The following CLDN16 variants were observed in gnomAD, a reference collection of about 807,000 sequenced individuals.
The protein encoded by CLDN16 is claudin-16.
Under a neutral mutation model 24.6 loss-of-function variants are expected in CLDN16, and 13 were observed. That is an observed-to-expected ratio of 0.53 (90% CI 0.34 to 0.84). CLDN16 has a LOEUF of 0.84. Among genes scored for constraint, CLDN16 ranks in the 40% least tolerant of loss-of-function variants. The probability of loss-of-function intolerance (pLI) is 0.01; values close to 1 mark genes in which losing one functional copy is unlikely to be tolerated. For missense variants in CLDN16, 298 were observed against 292.7 expected (o/e 1.02, Z -0.13); for synonymous variants, 116 against 106.7 (o/e 1.09, Z -0.54).
chr3:190,291,795 G>A, the CLDN16 span, among the ~76,000 whole-genome samples: 3 of 152,224 alleles, frequency 2.0e-5, no homozygotes, highest in East Asian at 5.8e-4. Flanking sequence ...CATTTGAAAT[G>A]GAAGAAATTG....
At chr3:190,350,586 T>G (rs1717651759) in intron 1 of CLDN16, among the ~76,000 whole-genome samples, 1 of 152,080 alleles carries the variant, frequency 6.6e-6, no homozygotes, top group African/African-American at 2.4e-5. Context: ...GTCAGGAATG[T>G]ACAAGGATGA....
At chr3:190,326,583 G>T (rs900564305) in intron 1 of CLDN16, among the ~76,000 whole-genome samples, 2 of 152,178 alleles carry the variant, frequency 1.3e-5, no homozygotes, top group Non-Finnish European at 2.9e-5. Context: ...GGAGAATGGC[G>T]ATGTGATATC....
chr3:190,314,450 A>G, the CLDN16 span, among the ~76,000 whole-genome samples: 2 of 152,076 alleles, frequency 1.3e-5, no homozygotes, highest in Admixed American at 1.3e-4. Context: ...GCTGGAGTGC[A>G]GTGGTGCGAT....
chr3:190,314,106 G>A, the CLDN16 span, among the ~76,000 whole-genome samples: 1 of 152,108 alleles, frequency 6.6e-6, no homozygotes, highest in East Asian at 1.9e-4. Flanking sequence ...ACTTAGTATT[G>A]TTTGGAATAA....
chr3:190,321,872 T>C, upstream of CLDN16: 1 of 813,080 alleles, frequency 1.2e-6, no homozygotes, highest in East Asian at 2.5e-5. Context: ...TCAGAAGACT[T>C]GATCAACTGA....
At chr3:190,370,074 A>G (rs1443590341) in intron 1 of CLDN16, among the ~76,000 whole-genome samples, 1 of 151,994 alleles carries the variant, frequency 6.6e-6, no homozygotes, top group Non-Finnish European at 1.5e-5. Flanking sequence ...TAGAAAGGCA[A>G]GAGCACTAAA....
rs104893721 is a variant in CLDN16, at chr3:190,408,436, G to A, written c.505G>A (p.Gly169Arg). The A allele has an allele frequency of 1.4e-5, 22 of 1,613,964 alleles. No individual in the cohort carries two copies. Among genetic ancestry groups the A allele is most frequent in the Middle Eastern group, 1.6e-4 (1 of 6,062 alleles). Residue 169 changes from glycine to arginine, a missense_variant, in exon 4 of 5, where the codon GGA (glycine) becomes AGA (arginine). Transcript: ENST00000264734. ...QYKFGWSCWL[G>R]MAGSLGCFLA... ...TAAATTTGGTTGGTCCTGTTGGCTCGGAATGGCTGGGTCTCTGGGTTGCTT... is the reference window on the plus strand; with the variant it reads ...TAAATTTGGTTGGTCCTGTTGGCTCAGAATGGCTGGGTCTCTGGGTTGCTT...
At chr3:190,325,183 C>T (rs1016989058) in intron 1 of CLDN16, among the ~76,000 whole-genome samples, 4 of 152,162 alleles carry the variant, frequency 2.6e-5, no homozygotes, top group Admixed American at 1.3e-4. Flanking sequence ...GTAACAGACA[C>T]AGAGAGGTCA....
the CLDN16 span, chr3:190,312,825 A>G: frequency 6.2e-7 from 1 of 1,601,424 alleles, no homozygotes; most frequent in Non-Finnish European, 8.6e-7. Context: ...TTCAAATCAT[A>G]CCAGGAACAG....
chr3:190,334,924 C>G (rs1019613874), intron 1 of CLDN16, among the ~76,000 whole-genome samples: 1 of 152,096 alleles, frequency 6.6e-6, no homozygotes, highest in African/African-American at 2.4e-5. Flanking sequence ...TCTCTGGAAA[C>G]AATTTGTACT....
chr3:190,316,502 C>T, the CLDN16 span, among the ~76,000 whole-genome samples: 1 of 152,180 alleles, frequency 6.6e-6, no homozygotes. Context: ...GGTTACCAGT[C>T]AAAGTAAGCA....
intron 1 of CLDN16, among the ~76,000 whole-genome samples, chr3:190,335,105 A>T (rs1254519081): frequency 4.8e-5 from 7 of 145,276 alleles, no homozygotes; most frequent in Admixed American, 1.4e-4. Flanking sequence ...GTGCAGTGGC[A>T]CGATCTTAAC....
chr3:190,358,274 G>A (rs933952243), intron 1 of CLDN16, among the ~76,000 whole-genome samples: 32 of 151,732 alleles, frequency 2.1e-4, no homozygotes, highest in African/African-American at 7.0e-4. Context: ...AATAAGAGCC[G>A]CTGAGAGTTA....
intron 1 of CLDN16, among the ~76,000 whole-genome samples, chr3:190,354,221 C>T (rs1329744993): frequency 6.6e-6 from 1 of 151,946 alleles, no homozygotes. Flanking sequence ...ATAATATTAA[C>T]ACTCAGAGGT....
At chr3:190,346,862 A>G (rs1717561337) in intron 1 of CLDN16, among the ~76,000 whole-genome samples, 1 of 152,030 alleles carries the variant, frequency 6.6e-6, no homozygotes, top group African/African-American at 2.4e-5. Flanking sequence ...TCTGTGTCCA[A>G]ATTGTTCTCT....
the CLDN16 span, among the ~76,000 whole-genome samples, chr3:190,302,022 A>G: frequency 6.6e-6 from 1 of 152,198 alleles, no homozygotes; most frequent in East Asian, 1.9e-4. Context: ...TTATGCCTTC[A>G]TTTTAAAATA....
chr3:190,303,353 T>G, the CLDN16 span, among the ~76,000 whole-genome samples: 1 of 152,172 alleles, frequency 6.6e-6, no homozygotes, highest in Admixed American at 6.5e-5. Flanking sequence ...AACAGGAAAC[T>G]TAATTGACAA....
At chr3:190,320,782 G>A (rs1313149549), upstream of CLDN16, among the ~76,000 whole-genome samples, 2 of 152,108 alleles carry the variant, frequency 1.3e-5, no homozygotes, top group African/African-American at 4.8e-5. Flanking sequence ...GGGCAGTCAC[G>A]TTCATCTAGG....
intron 1 of CLDN16, 147 bp from the exon 2 acceptor site, chr3:190,402,190 G>A (rs1425061209): frequency 1.1e-5 from 8 of 705,196 alleles, no homozygotes; most frequent in African/African-American, 3.5e-5. Context: ...ATTCTAATAC[G>A]CATTGTTTGT....
Sources: allele counts gnomAD v4.1 joint callset (sites outside exome capture counted in the v4.1 genomes callset), GRCh38; gene constraint gnomAD v4.1.1; transcripts MANE v1.5; gene names NCBI Gene and HGNC (gene_info 2026-07-23, HGNC 2026-07-21).